Variants in KSR2 observed in about 807,000 individuals in gnomAD.
KSR2 encodes the protein kinase suppressor of ras 2.
A neutral mutation model predicts 107.8 loss-of-function variants in KSR2; 25 were observed. That is an observed-to-expected ratio of 0.23 (90% CI 0.17 to 0.32). The LOEUF (loss-of-function observed/expected upper bound fraction) is 0.32, where lower values mean the gene tolerates loss of function less well. Among genes scored for constraint, KSR2 ranks in the 10% least tolerant of loss-of-function variants. The pLI is 1.00. For missense variants in KSR2, 887 were observed against 1,268.9 expected, an observed-to-expected ratio of 0.70 and a Z score of 4.57; for synonymous variants, 480 against 507.0, an observed-to-expected ratio of 0.95 and a Z score of 0.71.
chr12:117,941,449 C>T (rs1406626261), intron 1 of KSR2, among the ~76,000 whole-genome samples: 1 of 152,020 alleles, frequency 6.6e-6, no homozygotes, highest in Non-Finnish European at 1.5e-5. Context: ...TCAAAGTGTA[C>T]ATTTTTTTAA....
At chr12:117,768,750 A>G (rs1043909572) in intron 3 of KSR2, among the ~76,000 whole-genome samples, 1 of 152,242 alleles carries the variant, frequency 6.6e-6, no homozygotes, top group Non-Finnish European at 1.5e-5. Context: ...GCCAACATTT[A>G]TTGAATTTAC....
At chr12:117,943,727 T>C (rs939120796) in intron 1 of KSR2, among the ~76,000 whole-genome samples, 1 of 152,132 alleles carries the variant, frequency 6.6e-6, no homozygotes, top group African/African-American at 2.4e-5. Flanking sequence ...GCCATTGATA[T>C]GGTTTGGCTG....
chr12:117,954,263 T>C (rs1057456684), intron 1 of KSR2, among the ~76,000 whole-genome samples: 5 of 152,164 alleles, frequency 3.3e-5, no homozygotes, highest in Non-Finnish European at 5.9e-5. Flanking sequence ...TTACAGGATA[T>C]GCTTTTCAGA....
chr12:117,905,298 A>C (rs1894805591), intron 1 of KSR2, among the ~76,000 whole-genome samples: 2 of 152,248 alleles, frequency 1.3e-5, no homozygotes, highest in African/African-American at 4.8e-5. Context: ...CGGACCTACT[A>C]TCACTATTTA....
intron 1 of KSR2, among the ~76,000 whole-genome samples, chr12:117,964,562 A>G (rs1896740336): frequency 6.6e-6 from 1 of 152,166 alleles, no homozygotes; most frequent in East Asian, 1.9e-4. Context: ...TCCAATCTGA[A>G]CTGCTCCCTT....
intron 4 of KSR2, among the ~76,000 whole-genome samples, chr12:117,708,612 T>G (rs895419753): frequency 3.9e-5 from 6 of 152,224 alleles, no homozygotes; most frequent in Admixed American, 1.3e-4. Context: ...AATATCTCTC[T>G]GCTGTCAGTC....
At chr12:117,839,020 G>T (rs772169374) in intron 3 of KSR2, among the ~76,000 whole-genome samples, 18 of 152,338 alleles carry the variant, frequency 1.2e-4, no homozygotes, top group Non-Finnish European at 2.4e-4. Context: ...ACAAAAGCAG[G>T]TGGAGGGCTG....
chr12:117,592,173 G>A (rs961293423), intron 5 of KSR2, among the ~76,000 whole-genome samples: 1 of 150,726 alleles, frequency 6.6e-6, no homozygotes, highest in Non-Finnish European at 1.5e-5. Flanking sequence ...GAGCGCAATG[G>A]AGCAATCTCC....
intron 5 of KSR2, among the ~76,000 whole-genome samples, chr12:117,658,897 C>T (rs1477909649): frequency 6.6e-6 from 1 of 152,130 alleles, no homozygotes; most frequent in Non-Finnish European, 1.5e-5. Context: ...TTTAGTCTTG[C>T]CTCTGATGCA....
chr12:117,661,204 A>G (rs939678099), intron 5 of KSR2, among the ~76,000 whole-genome samples: 9 of 152,206 alleles, frequency 5.9e-5, no homozygotes, highest in African/African-American at 2.2e-4. Flanking sequence ...AAAGGCTGAG[A>G]AACTGTTCTA....
chr12:117,968,257 G>C lies in KSR2; in HGVS notation c.-2C>G. Reference sequence around the variant, plus strand: ...TTTCGTCATGTTTTCCTCATCCATCGCTTGCTCTGCAACCCCCTTCCCCTC... The same window carrying C: ...TTTCGTCATGTTTTCCTCATCCATCCCTTGCTCTGCAACCCCCTTCCCCTC... On this transcript the variant is annotated 5_prime_UTR_variant, in exon 1 of 20. Coordinates refer to ENST00000339824, the MANE Select transcript of KSR2 (RefSeq NM_173598.6). 4.2e-6 allele frequency: 6 copies of C among 1,445,342 alleles called. No homozygotes were observed. Among genetic ancestry groups the C allele is most frequent in the Non-Finnish European group, 5.5e-6 (6 of 1,084,160 alleles). 89.5% of individuals were successfully genotyped at this position (1,445,342 alleles called of 1,614,324 possible). A position where few individuals can be genotyped will look rare whatever the true frequency, so the allele number is the denominator to read the frequency against.
chr12:117,615,194 T>C (rs1397982062), intron 5 of KSR2, among the ~76,000 whole-genome samples: 2 of 151,036 alleles, frequency 1.3e-5, no homozygotes, highest in African/African-American at 4.9e-5. Flanking sequence ...TGAGGAAGCA[T>C]GTTCCCTTCT....
intron 1 of KSR2, among the ~76,000 whole-genome samples, chr12:117,963,183 C>T (rs577478347): frequency 1.3e-5 from 2 of 152,030 alleles, no homozygotes; most frequent in South Asian, 4.2e-4. Flanking sequence ...GAGCGAGACC[C>T]TGTCTCAAAA....
chr12:117,625,364 T>C (rs1882422090), intron 5 of KSR2, among the ~76,000 whole-genome samples: 1 of 152,182 alleles, frequency 6.6e-6, no homozygotes, highest in Non-Finnish European at 1.5e-5. Context: ...CTTATTATTT[T>C]GAGATACGTC....
At chr12:117,560,653 C>T (rs999158772) in intron 7 of KSR2, among the ~76,000 whole-genome samples, 2 of 152,186 alleles carry the variant, frequency 1.3e-5, no homozygotes, top group African/African-American at 4.8e-5. Context: ...GAATACTTGT[C>T]CCTTCCAAAT....
intron 1 of KSR2, among the ~76,000 whole-genome samples, chr12:117,940,594 C>A (rs1484280556): frequency 2.0e-5 from 3 of 152,180 alleles, no homozygotes; most frequent in African/African-American, 7.2e-5. Flanking sequence ...CCTTTTGCCA[C>A]TTTTCACCAA....
rs1283748759 is a variant in KSR2, at chr12:117,859,460, TA to T, written c.321+830del. Among the ~76,000 whole-genome samples, 563 of 124,472 alleles carry T rather than the reference TA, an allele frequency of 4.5e-3. 3 individuals are homozygous for T. The highest frequency in any genetic ancestry group is 0.019 in the African/African-American group (511 of 26,982). The allele number at this position is 124,472 out of a possible 152,430, so 81.7% of individuals were successfully genotyped here. ...TTTTTTTCGTTTTTTGTTTTTTATT[TA>T]TTTTTTTTTTTTTGAGACAGGGTCT... On this transcript the variant is annotated intron_variant, in intron 2 of 19. Transcript: ENST00000339824.
At chr12:117,479,312 C>T (rs1002805412) in intron 16 of KSR2, among the ~76,000 whole-genome samples, 61 of 152,216 alleles carry the variant, frequency 4.0e-4, no homozygotes, top group Admixed American at 3.9e-3. Context: ...CTGGGCCACC[C>T]ATCCACCTCC....
chr12:117,522,502 T>C (rs1093291), intron 14 of KSR2, among the ~76,000 whole-genome samples: 109,803 of 151,924 alleles, frequency 0.72, 40,518 homozygotes, highest in East Asian at 0.96. Context: ...ATATACTGGG[T>C]AAGAAAGGGA....
Sources: allele counts gnomAD v4.1 joint callset (sites outside exome capture counted in the v4.1 genomes callset), GRCh38; gene constraint gnomAD v4.1.1; transcripts MANE v1.5; gene names NCBI Gene and HGNC (gene_info 2026-07-23, HGNC 2026-07-21).